The following PDZRN4 variants were observed in gnomAD, a reference collection of about 807,000 sequenced individuals.
PDZRN4 encodes PDZ domain-containing RING finger protein 4.
Under a neutral mutation model 99.0 loss-of-function variants are expected in PDZRN4, and 70 were observed. The observed-to-expected ratio is 0.71, with a 90% confidence interval of 0.58 to 0.86. PDZRN4 has a LOEUF of 0.86. Among genes scored for constraint, PDZRN4 ranks in the 40% least tolerant of loss-of-function variants. PDZRN4 has a pLI of 0.00. For missense variants in PDZRN4, 1,474 were observed against 1,331.2 expected (o/e 1.11, Z -1.67); for synonymous variants, 551 against 501.6 (o/e 1.10, Z -1.32).
chr12:41,462,392 T>A (rs1056844026), intron 3 of PDZRN4, among the ~76,000 whole-genome samples: 1 of 152,222 alleles, frequency 6.6e-6, no homozygotes, highest in Non-Finnish European at 1.5e-5. Flanking sequence ...GTTTTCATTA[T>A]GCTTTAACTC....
chr12:41,448,183 G>A (rs551365696), intron 3 of PDZRN4, among the ~76,000 whole-genome samples: 2 of 152,112 alleles, frequency 1.3e-5, no homozygotes, highest in East Asian at 3.9e-4. Context: ...GCCATGAAAG[G>A]TTCCTCGCAA....
intron 3 of PDZRN4, among the ~76,000 whole-genome samples, chr12:41,238,046 T>C (rs1047393886): frequency 2.6e-5 from 4 of 152,154 alleles, no homozygotes; most frequent in Non-Finnish European, 5.9e-5. Flanking sequence ...ACTGACTCTA[T>C]AGATTACTTT....
intron 3 of PDZRN4, among the ~76,000 whole-genome samples, chr12:41,202,635 T>C (rs1490271249): frequency 2.6e-5 from 4 of 152,068 alleles, no homozygotes; most frequent in Admixed American, 6.6e-5. Flanking sequence ...ATGTATCACT[T>C]ATTTTATAAT....
At chr12:41,282,084 G>T (rs923762944) in intron 3 of PDZRN4, among the ~76,000 whole-genome samples, 7 of 152,090 alleles carry the variant, frequency 4.6e-5, no homozygotes, top group African/African-American at 1.7e-4. Flanking sequence ...TGGCAAATTC[G>T]ATGAAGAGTC....
At chr12:41,247,904 C>T (rs1951143590) in intron 3 of PDZRN4, among the ~76,000 whole-genome samples, 1 of 152,136 alleles carries the variant, frequency 6.6e-6, no homozygotes, top group Admixed American at 6.5e-5. Context: ...GACATGCATA[C>T]AATTATCAGG....
At chr12:41,326,412 A>C (rs937066175) in intron 3 of PDZRN4, among the ~76,000 whole-genome samples, 7 of 152,156 alleles carry the variant, frequency 4.6e-5, no homozygotes, top group Non-Finnish European at 7.3e-5. Flanking sequence ...TCTGGTTATG[A>C]TCCACTAAAT....
At chr12:41,347,647 GAC>G (rs1400030039) in intron 3 of PDZRN4, among the ~76,000 whole-genome samples, 1 of 135,856 alleles carries the variant, frequency 7.4e-6, no homozygotes, top group Non-Finnish European at 1.7e-5. Context: ...TTTAAATTTT[GAC>G]AGTCTAACTA....
At chr12:41,329,476 T>C (rs539554902) in intron 3 of PDZRN4, among the ~76,000 whole-genome samples, 50 of 152,236 alleles carry the variant, frequency 3.3e-4, no homozygotes, top group African/African-American at 1.2e-3. Flanking sequence ...TGTGAAATTT[T>C]TTTCTGCTTA....
intron 3 of PDZRN4, among the ~76,000 whole-genome samples, chr12:41,325,089 T>A (rs1951701668): frequency 6.6e-6 from 1 of 152,112 alleles, no homozygotes; most frequent in South Asian, 2.1e-4. Flanking sequence ...TGGAGATATT[T>A]AAATGTATAT....
intron 3 of PDZRN4, among the ~76,000 whole-genome samples, chr12:41,475,803 C>G (rs1287197382): frequency 6.6e-6 from 1 of 152,164 alleles, no homozygotes; most frequent in African/African-American, 2.4e-5. Flanking sequence ...ATCTTGAACA[C>G]AATATTTACA....
At chr12:41,403,904 A>G (rs1952322563) in intron 3 of PDZRN4, among the ~76,000 whole-genome samples, 1 of 152,208 alleles carries the variant, frequency 6.6e-6, no homozygotes, top group African/African-American at 2.4e-5. Context: ...GATAATTTGC[A>G]GTAAGCCATA....
chr12:41,382,460 C>T (rs747204281), intron 3 of PDZRN4, among the ~76,000 whole-genome samples: 2 of 152,134 alleles, frequency 1.3e-5, no homozygotes, highest in Non-Finnish European at 1.5e-5. Context: ...TCATTCATCC[C>T]CTCATTGGTT....
chr12:41,473,129 G>T (rs546127844), intron 3 of PDZRN4, among the ~76,000 whole-genome samples: 4 of 152,018 alleles, frequency 2.6e-5, no homozygotes, highest in African/African-American at 9.7e-5. Context: ...TTATGGAATA[G>T]ATAAAATATA....
In PDZRN4 at chr12:41,559,638, A is replaced by G. The variant is rs142502076; in HGVS notation, c.1365+3878A>G. 1.2e-3 allele frequency among the ~76,000 whole-genome samples: 190 copies of G among 152,228 alleles called. 2 individuals are homozygous for G. The highest frequency in any genetic ancestry group is 4.4e-3 in the African/African-American group (183 of 41,544). On this transcript the variant is annotated intron_variant, in intron 7 of 9. Transcript: ENST00000402685. Reference sequence around the variant, plus strand: ...TGACTTCCTGATGAAACTTTACAAGAACTCAGTGAAACAACACGACTTCTA... The same window carrying G: ...TGACTTCCTGATGAAACTTTACAAGGACTCAGTGAAACAACACGACTTCTA...
intron 3 of PDZRN4, among the ~76,000 whole-genome samples, chr12:41,288,506 G>A (rs984985663): frequency 6.6e-6 from 1 of 152,140 alleles, no homozygotes; most frequent in Admixed American, 6.5e-5. Flanking sequence ...AATTGGAACT[G>A]TAGTTCTTCT....
intron 5 of PDZRN4, among the ~76,000 whole-genome samples, chr12:41,525,976 C>T (rs1242817527): frequency 1.3e-5 from 2 of 152,134 alleles, no homozygotes; most frequent in African/African-American, 4.8e-5. Context: ...TTTCTCAACC[C>T]ATTGAAATCT....
At chr12:41,499,989 G>A (rs746143639) in intron 3 of PDZRN4, among the ~76,000 whole-genome samples, 8 of 151,968 alleles carry the variant, frequency 5.3e-5, no homozygotes, top group Non-Finnish European at 7.4e-5. Context: ...AATCAGATTG[G>A]TAGAGGCAAA....
chr12:41,195,466 A>G (rs944393604), intron 3 of PDZRN4, among the ~76,000 whole-genome samples: 2 of 152,176 alleles, frequency 1.3e-5, no homozygotes, highest in African/African-American at 4.8e-5. Context: ...AACAAAGTTG[A>G]ATTTTTAATG....
intron 3 of PDZRN4, among the ~76,000 whole-genome samples, chr12:41,289,381 G>T (rs1183821203): frequency 1.3e-5 from 2 of 152,130 alleles, no homozygotes; most frequent in East Asian, 3.8e-4. Context: ...ACCAATATGG[G>T]TGGAGATGTG....
Sources: allele counts gnomAD v4.1 joint callset (sites outside exome capture counted in the v4.1 genomes callset), GRCh38; gene constraint gnomAD v4.1.1; transcripts MANE v1.5; gene names NCBI Gene and HGNC (gene_info 2026-07-23, HGNC 2026-07-21).